PSMB7: variants seen among roughly 807,000 people sequenced by gnomAD.
PSMB7 encodes proteasome subunit beta type-7.
A neutral mutation model predicts 28.1 loss-of-function variants in PSMB7; 5 were observed. The observed-to-expected ratio is 0.18, with a 90% CI of 0.09 to 0.37. The LOEUF is 0.37. Ranked by LOEUF, PSMB7 falls within the 10% of genes least tolerant of loss-of-function variation. The pLI, the probability that PSMB7 is intolerant of heterozygous loss-of-function variation, is 1.00. For synonymous variants in PSMB7, 122 were observed against 123.7 expected (o/e 0.99, Z 0.09); for missense variants, 275 against 346.2 (o/e 0.79, Z 1.63).
intron 6 of PSMB7, among the ~76,000 whole-genome samples, chr9:124,367,145 G>T (rs961429251): frequency 6.6e-6 from 1 of 152,184 alleles, no homozygotes; most frequent in African/African-American, 2.4e-5. Flanking sequence ...GCAGGGCCAG[G>T]GAGGAGGATC....
intron 5 of PSMB7, among the ~76,000 whole-genome samples, chr9:124,391,185 G>T (rs775230636): frequency 6.6e-6 from 1 of 152,208 alleles, no homozygotes; most frequent in South Asian, 2.1e-4. Flanking sequence ...CTTCAGGCAT[G>T]GCAAGTAGTA....
chr9:124,394,277 T>C (rs1830820440), intron 5 of PSMB7, among the ~76,000 whole-genome samples: 1 of 152,238 alleles, frequency 6.6e-6, no homozygotes, highest in African/African-American at 2.4e-5. Context: ...AAAAGCCTTC[T>C]GATGGCTAAG....
intron 6 of PSMB7, among the ~76,000 whole-genome samples, chr9:124,361,458 G>A (rs1830464913): frequency 6.6e-6 from 1 of 152,188 alleles, no homozygotes; most frequent in South Asian, 2.1e-4. Context: ...TCATTAAACT[G>A]ACCAGTAATG....
intron 6 of PSMB7, among the ~76,000 whole-genome samples, chr9:124,363,622 TG>T (rs1278823800): frequency 1.3e-5 from 2 of 152,190 alleles, no homozygotes; most frequent in Non-Finnish European, 2.9e-5. Flanking sequence ...CAGCTGGTGC[TG>T]GGCACGCTTA....
intron 5 of PSMB7, among the ~76,000 whole-genome samples, chr9:124,403,136 T>C (rs1392045016): frequency 1.3e-5 from 2 of 152,172 alleles, no homozygotes; most frequent in African/African-American, 4.8e-5. Context: ...CCTGTTCGAA[T>C]TTCTGGACCT....
Position 124,359,346 on chromosome 9 carries a change from G to C in PSMB7, c.571-2431C>G, listed in dbSNP as rs191498938. 1.3e-3 allele frequency among the ~76,000 whole-genome samples: 198 copies of C among 152,186 alleles called. 1 individual carries two copies. Among genetic ancestry groups the C allele is most frequent in the African/African-American group, 4.6e-3 (192 of 41,522 alleles). ...GAGATGGAATGAAACTTAGATTTAT[G>C]GAGCACCTATATGCTCACTAAAACA... is the stretch of plus-strand genomic sequence containing the variant. On this transcript the variant is annotated intron_variant, in intron 6 of 7. Coordinates refer to ENST00000259457, the MANE Select transcript of PSMB7 (RefSeq NM_002799.4).
chr9:124,413,412 G>T (rs960685432), intron 3 of PSMB7, among the ~76,000 whole-genome samples: 1 of 151,848 alleles, frequency 6.6e-6, no homozygotes, highest in Admixed American at 6.6e-5. Flanking sequence ...ACAGAATTTT[G>T]ATTTTTATCC....
intron 6 of PSMB7, among the ~76,000 whole-genome samples, chr9:124,363,070 A>G (rs1307532255): frequency 1.3e-5 from 2 of 152,248 alleles, no homozygotes; most frequent in Non-Finnish European, 2.9e-5. Context: ...CCATCTTTGT[A>G]TCCCAGGGAA....
At chr9:124,358,599 C>T (rs1350633914) in intron 6 of PSMB7, among the ~76,000 whole-genome samples, 3 of 152,226 alleles carry the variant, frequency 2.0e-5, no homozygotes, top group Admixed American at 6.5e-5. Context: ...GCAGCAGCTG[C>T]TATCTAGATA....
intron 4 of PSMB7, among the ~76,000 whole-genome samples, chr9:124,410,606 T>C (rs1262701022): frequency 6.6e-6 from 1 of 152,208 alleles, no homozygotes; most frequent in Non-Finnish European, 1.5e-5. Flanking sequence ...ACTGGGAGAA[T>C]TTGGTTGGCA....
chr9:124,353,802 T>C (rs1442380021), intron 7 of PSMB7, 93 bp from the exon 8 acceptor site: 6 of 921,512 alleles, frequency 6.5e-6, no homozygotes, highest in Admixed American at 6.2e-5. Context: ...GGCAACGCAG[T>C]GAGCAGGCTG....
At chr9:124,360,899 A>G (rs1830459810) in intron 6 of PSMB7, among the ~76,000 whole-genome samples, 1 of 152,268 alleles carries the variant, frequency 6.6e-6, no homozygotes, top group Admixed American at 6.5e-5. Flanking sequence ...TCTGGCACAT[A>G]GCTACTGCTT....
At chr9:124,375,453 G>A (rs552886967) in intron 6 of PSMB7, among the ~76,000 whole-genome samples, 6 of 152,140 alleles carry the variant, frequency 3.9e-5, no homozygotes, top group Middle Eastern at 3.4e-3. Context: ...CATGAGCCAC[G>A]GCGCCTGGCC....
At chr9:124,399,777 C>T (rs569238855) in intron 5 of PSMB7, among the ~76,000 whole-genome samples, 1 of 152,220 alleles carries the variant, frequency 6.6e-6, no homozygotes, top group East Asian at 1.9e-4. Flanking sequence ...ATGACAGTGG[C>T]CATCCCTACC....
At chr9:124,415,004 G>T in intron 1 of PSMB7, 69 bp from the exon 2 acceptor site, 2 of 1,054,998 alleles carry the variant, frequency 1.9e-6, no homozygotes, top group South Asian at 1.5e-5. Context: ...CATGAAAAGT[G>T]CCTAACAGAG....
chr9:124,366,096 T>TA (rs34284306), intron 6 of PSMB7, among the ~76,000 whole-genome samples: 17 of 132,820 alleles, frequency 1.3e-4, no homozygotes, highest in South Asian at 7.4e-4. Context: ...GTAAAAAAAT[T>TA]AAAAAAAAAT....
At chr9:124,376,151 A>ATT (rs5900607) in intron 6 of PSMB7, among the ~76,000 whole-genome samples, 3 of 151,798 alleles carry the variant, frequency 2.0e-5, no homozygotes, top group Non-Finnish European at 4.4e-5. Context: ...AGTCTTGCTT[A>ATT]TTTTTTTTAT....
At chr9:124,387,908 G>C (rs981488215) in intron 5 of PSMB7, among the ~76,000 whole-genome samples, 1 of 151,556 alleles carries the variant, frequency 6.6e-6, no homozygotes, top group Non-Finnish European at 1.5e-5. Context: ...AAAAAAAGAT[G>C]GTAAACTCAG....
intron 3 of PSMB7, among the ~76,000 whole-genome samples, chr9:124,412,912 A>C (rs904511521): frequency 2.6e-5 from 4 of 152,214 alleles, no homozygotes; most frequent in Non-Finnish European, 1.5e-5. Context: ...GTTGAGTGTA[A>C]GATACACAAG....
Sources: allele counts gnomAD v4.1 joint callset (sites outside exome capture counted in the v4.1 genomes callset), GRCh38; gene constraint gnomAD v4.1.1; transcripts MANE v1.5; gene names NCBI Gene and HGNC (gene_info 2026-07-23, HGNC 2026-07-21).